The following DCC variants were observed in gnomAD, a reference collection of about 807,000 sequenced individuals.
The protein encoded by DCC is DCC netrin 1 receptor, also known as netrin receptor DCC.
Under a neutral mutation model 172.5 loss-of-function variants are expected in DCC, and 58 were observed. That is an observed-to-expected ratio of 0.34 (90% CI 0.27 to 0.42). The LOEUF is 0.42. Ranked by LOEUF, DCC falls within the 10% of genes least tolerant of loss-of-function variation. The pLI is 1.00. For missense variants in DCC, 1,740 were observed against 1,791.0 expected (o/e 0.97, Z 0.51); for synonymous variants, 709 against 644.5 (o/e 1.10, Z -1.52).
chr18:52,631,708 C>T (rs1675225), intron 1 of DCC, among the ~76,000 whole-genome samples: 11,494 of 152,142 alleles, frequency 0.076, 587 homozygotes, highest in Middle Eastern at 0.13. Flanking sequence ...GGGTGGTTGA[C>T]TTGTTTTTTA....
At chr18:53,079,824 A>G (rs542040187) in intron 7 of DCC, among the ~76,000 whole-genome samples, 1 of 152,250 alleles carries the variant, frequency 6.6e-6, no homozygotes, top group Admixed American at 6.5e-5. Flanking sequence ...TACATACAAC[A>G]CATGGGAGCA....
intron 1 of DCC, among the ~76,000 whole-genome samples, chr18:52,630,228 AAG>A (rs2034650056): frequency 6.6e-6 from 1 of 152,234 alleles, no homozygotes; most frequent in Admixed American, 6.5e-5. Flanking sequence ...TGATTGAAAG[AAG>A]ATATATAGTG....
In DCC at chr18:52,906,140, C is replaced by T. The variant is rs2039878289; in HGVS notation, c.509C>T (p.Thr170Ile). The change falls in exon 3 of 29, where the codon ACA becomes ATA. Residue 170 changes from threonine (T) to isoleucine (I), a missense_variant. By Grantham distance (89) the Thr-to-Ile change is moderately conservative. Coordinates refer to ENST00000442544, the MANE Select transcript of DCC (RefSeq NM_005215.4). The stretch of plus-strand genomic sequence containing the variant: ...GAAGTCATTGGGGAGCCCATGCCAA[C>T]AATCCACTGGCAGAAGAACCAACAA... ...KCEVIGEPMPTIHWQKNQQDL... is the reference protein window; with the variant it reads ...KCEVIGEPMPIIHWQKNQQDL... 1.2e-6 allele frequency: 2 copies of T among 1,613,928 alleles called. No individual in the cohort carries two copies. The highest frequency in any genetic ancestry group is 3.3e-5 in the Admixed American group (2 of 59,988).
At position 52,903,322 on chromosome 18, in the gene DCC, A is replaced by T. The variant is rs1000616770; in HGVS notation, c.413-2722A>T. On this transcript the variant is annotated intron_variant, in intron 2 of 28. Coordinates refer to ENST00000442544, the MANE Select transcript of DCC (RefSeq NM_005215.4). Reference sequence around the variant, plus strand: ...TGGGCTCAAGTGATCCTCCCACCTCAGCCTCCCGAGTAGCTGGGACCACAG... The same window carrying T: ...TGGGCTCAAGTGATCCTCCCACCTCTGCCTCCCGAGTAGCTGGGACCACAG... Among the ~76,000 whole-genome samples, 15 of 152,222 alleles carry T rather than the reference A, an allele frequency of 9.9e-5. 1 individual carries two copies. The highest frequency in any genetic ancestry group is 3.6e-4 in the African/African-American group (15 of 41,540).
chr18:52,765,841 G>C (rs973875229), intron 2 of DCC, among the ~76,000 whole-genome samples: 2 of 152,162 alleles, frequency 1.3e-5, no homozygotes, highest in African/African-American at 4.8e-5. Context: ...GCAAACTTGG[G>C]ACAACCATGG....
intron 22 of DCC, among the ~76,000 whole-genome samples, chr18:53,443,452 A>G (rs192725220): frequency 2.2e-4 from 33 of 152,328 alleles, no homozygotes; most frequent in African/African-American, 7.9e-4. Flanking sequence ...TCATTTCAAA[A>G]TATTACTGCA....
chr18:53,460,277 T>G (rs2045537588), intron 24 of DCC, among the ~76,000 whole-genome samples: 2 of 32,454 alleles, frequency 6.2e-5, no homozygotes, highest in Admixed American at 4.8e-4. Context: ...AGCTCCTGTT[T>G]TTTTTTTTTT....
chr18:52,941,778 TTTTTA>T (rs1157365864), intron 5 of DCC, among the ~76,000 whole-genome samples: 1 of 152,060 alleles, frequency 6.6e-6, no homozygotes, highest in Non-Finnish European at 1.5e-5. Flanking sequence ...GATGTTTATT[TTTTTA>T]TTTTATTTTT....
chr18:53,510,045 A>G (rs16956865), intron 27 of DCC, among the ~76,000 whole-genome samples: 15,741 of 152,166 alleles, frequency 0.1, 2,488 homozygotes, highest in African/African-American at 0.34. Flanking sequence ...TATTGCCTAA[A>G]TGAACATCAG....
chr18:53,171,166 T>C (rs2055008357), intron 8 of DCC, among the ~76,000 whole-genome samples: 1 of 152,206 alleles, frequency 6.6e-6, no homozygotes, highest in Non-Finnish European at 1.5e-5. Flanking sequence ...ATTACAGGTG[T>C]GAGCCACTGT....
chr18:52,423,408 T>C (rs773078869), intron 1 of DCC, among the ~76,000 whole-genome samples: 4 of 152,064 alleles, frequency 2.6e-5, no homozygotes, highest in African/African-American at 9.7e-5. Context: ...CATTGGACCA[T>C]GAAATGTCTG....
intron 2 of DCC, among the ~76,000 whole-genome samples, chr18:52,874,282 G>C (rs1192099561): frequency 6.6e-6 from 1 of 152,034 alleles, no homozygotes; most frequent in East Asian, 1.9e-4. Context: ...AAGAAGAACT[G>C]TCTTTATGGC....
intron 1 of DCC, among the ~76,000 whole-genome samples, chr18:52,514,812 A>G (rs1350483061): frequency 3.3e-5 from 5 of 152,214 alleles, no homozygotes; most frequent in Admixed American, 6.5e-5. Flanking sequence ...AAGTGGAAAT[A>G]TTGCCATATT....
chr18:53,243,880 A>G (rs1428853633), intron 12 of DCC, among the ~76,000 whole-genome samples: 1 of 152,154 alleles, frequency 6.6e-6, no homozygotes, highest in Non-Finnish European at 1.5e-5. Flanking sequence ...TAAACTCAAC[A>G]CACAAATCTT....
chr18:52,878,438 T>C (rs557948561), intron 2 of DCC, among the ~76,000 whole-genome samples: 47 of 152,322 alleles, frequency 3.1e-4, no homozygotes, highest in Middle Eastern at 3.4e-3. Flanking sequence ...GGGACTGCAT[T>C]AGTGTTACAT....
At position 53,185,641 on chromosome 18, in the gene DCC, G is replaced by T. The variant is rs139553758; in HGVS notation, c.1573+6525G>T. ...TGGCTACTGTATTGGAGATCACAGA[G>T]AACATTTCCATTATTTCAGAAAGTT... On this transcript the variant is annotated intron_variant, in intron 9 of 28. Coordinates refer to ENST00000442544, the MANE Select transcript of DCC (RefSeq NM_005215.4). 8.5e-5 allele frequency among the ~76,000 whole-genome samples: 13 copies of T among 152,224 alleles called. No individual in the cohort carries two copies. In the East Asian group the frequency reaches 2.5e-3, roughly 29 times the overall value.
rs34629572 is a variant in DCC, at chr18:53,077,084, A to ATT, written c.1261+10926_1261+10927dup. 4.1e-3 allele frequency among the ~76,000 whole-genome samples: 627 copies of ATT among 151,364 alleles called. 6 individuals are homozygous for ATT. The highest frequency in any genetic ancestry group is 0.015 in the African/African-American group (613 of 41,230). On this transcript the variant is annotated intron_variant, in intron 7 of 28. Transcript: ENST00000442544. The stretch of plus-strand genomic sequence containing the variant: ...TCTGGTGTTTACAGGGGATTCAAAG[A>ATT]TTTTTTTTTAACTTGGTGTTCATTC...
At chr18:52,583,811 T>C (rs1340686301) in intron 1 of DCC, among the ~76,000 whole-genome samples, 1 of 152,206 alleles carries the variant, frequency 6.6e-6, no homozygotes, top group Non-Finnish European at 1.5e-5. Flanking sequence ...GGAAAAAATG[T>C]TTTTAATTTG....
chr18:52,448,353 G>A (rs1048449210), intron 1 of DCC, among the ~76,000 whole-genome samples: 6 of 152,146 alleles, frequency 3.9e-5, no homozygotes, highest in Non-Finnish European at 7.3e-5. Context: ...AGAGACTGCT[G>A]CTCTAGTCCA....
Sources: allele counts gnomAD v4.1 joint callset (sites outside exome capture counted in the v4.1 genomes callset), GRCh38; gene constraint gnomAD v4.1.1; transcripts MANE v1.5; gene names NCBI Gene and HGNC (gene_info 2026-07-23, HGNC 2026-07-21).